Variants in DHCR7 observed in about 807,000 individuals in gnomAD.
The protein encoded by DHCR7 is 7-dehydrocholesterol reductase.
A neutral mutation model predicts 43.3 loss-of-function variants in DHCR7; 40 were observed. The ratio of observed to expected loss-of-function variants is 0.92; its 90% CI spans 0.72 to 1.20. The LOEUF is 1.20. Ranked by LOEUF, DHCR7 falls within the 50% of genes most tolerant of loss-of-function variation. The pLI is 0.00. For synonymous variants in DHCR7, 298 were observed against 271.4 expected, an observed-to-expected ratio of 1.10 and a Z score of -0.96; for missense variants, 608 against 644.6, an observed-to-expected ratio of 0.94 and a Z score of 0.62.
At chr11:71,438,074 G>A in intron 7 of DHCR7, 131 bp from the exon 8 acceptor site, 5 of 1,083,404 alleles carry the variant, frequency 4.6e-6, no homozygotes, top group Non-Finnish European at 6.9e-6. Context: ...TCAATGCTGG[G>A]GCTGTTCCTT....
chr11:71,436,282 T>G (rs1050702564), intron 8 of DHCR7, among the ~76,000 whole-genome samples: 1 of 152,172 alleles, frequency 6.6e-6, no homozygotes. Flanking sequence ...TGGATGACCC[T>G]TCACAATGGG....
intron 3 of DHCR7, among the ~76,000 whole-genome samples, chr11:71,444,604 G>T (rs1949387168): frequency 6.6e-6 from 1 of 152,196 alleles, no homozygotes. Flanking sequence ...CAGATGGTGG[G>T]AAGGCCCCAG....
chr11:71,448,141 G>C (rs1015608796), intron 1 of DHCR7, 149 bp downstream of exon 1: 1 of 152,798 alleles, frequency 6.5e-6, no homozygotes, highest in African/African-American at 2.4e-5. Context: ...CCCCTCGCCT[G>C]TGAGCTGGAC....
At position 71,441,422 on chromosome 11, in the gene DHCR7, T is replaced by C. The variant is rs776246504; in HGVS notation, c.431A>G (p.Gln144Arg). 44 of 1,613,146 alleles carry C rather than the reference T, an allele frequency of 2.7e-5. No homozygotes were observed. The Admixed American group carries it at 3.2e-4, about 12-fold the overall frequency. Reference protein sequence around the residue: ...VTPAGVVNKYQINGLQAWLLT... With the variant: ...VTPAGVVNKYRINGLQAWLLT... ...GAGCCAGGCTTGCAGGCCATTGATCTGATACTTGTTCACAACCCCTGCAGA... is the reference window on the plus strand; with the variant it reads ...GAGCCAGGCTTGCAGGCCATTGATCCGATACTTGTTCACAACCCCTGCAGA... Residue 144 changes from glutamine (Q) to arginine (R), a missense_variant, in exon 6 of 9, where the codon CAG becomes CGG. Coordinates refer to ENST00000355527, the MANE Select transcript of DHCR7 (RefSeq NM_001360.3).
At position 71,439,001 on chromosome 11, in the gene DHCR7, G is replaced by T; in HGVS notation, c.709C>A (p.Leu237Met). Residue 237 changes from leucine to methionine, a missense_variant, in exon 7 of 9, where the codon CTG (leucine) becomes ATG (methionine). Coordinates refer to ENST00000355527, the MANE Select transcript of DHCR7 (RefSeq NM_001360.3). Reference sequence around the variant, plus strand: ...ATCCCGGGGCGCCCATTGAAGAACAGCTTGAAGTCAAACCACTTCCCGATC... The same window carrying T: ...ATCCCGGGGCGCCCATTGAAGAACATCTTGAAGTCAAACCACTTCCCGATC... ...PRIGKWFDFKLFFNGRPGIVA... is the reference protein window; with the variant it reads ...PRIGKWFDFKMFFNGRPGIVA... 1 of 1,614,132 alleles carries T rather than the reference G, an allele frequency of 6.2e-7. No individual in the cohort carries two copies. Among genetic ancestry groups the T allele is most frequent in the Non-Finnish European group, 8.5e-7 (1 of 1,180,048 alleles).
chr11:71,440,661 G>A (rs1290515636), intron 6 of DHCR7, among the ~76,000 whole-genome samples: 3 of 140,706 alleles, frequency 2.1e-5, no homozygotes, highest in Non-Finnish European at 4.6e-5. Flanking sequence ...GTGGGTGGGT[G>A]AATGGGATGG....
rs117591152 is a variant in DHCR7 at position 71,440,939 on chromosome 11, G to C, written c.626+288C>G. On this transcript the variant is annotated intron_variant, in intron 6 of 8. Transcript: ENST00000355527. ...AGGCAATGGGCTGCCTGTGCCCCAA[G>C]CCAGAAGTTTTTCCTGGCTTCCTTA... 6.5e-4 allele frequency among the ~76,000 whole-genome samples: 99 copies of C among 152,298 alleles called. 1 individual carries two copies. In the East Asian group the frequency reaches 0.018, roughly 28 times the overall value.
Position 71,441,313 on chromosome 11 carries a change from C to T in DHCR7, c.540G>A (p.Leu180=). The part of the protein sequence containing the change: ...PTIIFDNWIP[L]LWCANILGYA... ...AGCCAAGGATGTTGGCGCACCACAGCAGTGGGATCCAGTTGTCGAAGATGA... is the reference window on the plus strand; with the variant it reads ...AGCCAAGGATGTTGGCGCACCACAGTAGTGGGATCCAGTTGTCGAAGATGA... The change falls in exon 6 of 9, where the codon CTG becomes CTA. Residue 180 remains leucine (L), a synonymous_variant. Transcript: ENST00000355527. 2 of 1,614,232 alleles carry T rather than the reference C, an allele frequency of 1.2e-6. No individual in the cohort carries two copies. The highest frequency in any genetic ancestry group is 1.1e-5 in the South Asian group (1 of 91,088).
chr11:71,439,213 C>T, intron 6 of DHCR7, 130 bp from the exon 7 acceptor site: 1 of 881,942 alleles, frequency 1.1e-6, no homozygotes, highest in Non-Finnish European at 1.8e-6. Flanking sequence ...CAGGCAGAAG[C>T]TGGCCATGAG....
chr11:71,437,947 C>T lies in DHCR7; in HGVS notation c.832-4G>A, dbSNP rs757845039. ...AGAAGTCAATCACGTAGATGGCCTG[C>T]AAGACAGAAGCAGCCGCTGACCACC... On this transcript the variant is annotated splice_region_variant and splice_polypyrimidine_tract_variant and intron_variant, in intron 7 of 8. Coordinates refer to ENST00000355527, the MANE Select transcript of DHCR7 (RefSeq NM_001360.3). 1.9e-6 allele frequency: 3 copies of T among 1,612,746 alleles called. No homozygotes were observed. Among genetic ancestry groups the T allele is most frequent in the African/African-American group, 2.7e-5 (2 of 75,052 alleles).
downstream of DHCR7, among the ~76,000 whole-genome samples, chr11:71,433,456 G>A (rs546520757): frequency 6.6e-6 from 1 of 152,320 alleles, no homozygotes; most frequent in Admixed American, 6.5e-5. Context: ...TGCTCAAACA[G>A]AAACCAAACC....
intron 5 of DHCR7, among the ~76,000 whole-genome samples, chr11:71,441,787 T>C (rs1164464472): frequency 1.3e-5 from 2 of 152,106 alleles, no homozygotes; most frequent in East Asian, 1.9e-4. Flanking sequence ...TCTGTAATTG[T>C]TGGGGAGCAC....
In DHCR7 at chr11:71,442,059, C is replaced by T. The variant is rs76117525; in HGVS notation, c.412+204G>A. Among the ~76,000 whole-genome samples, 146 of 152,300 alleles carry T rather than the reference C, an allele frequency of 9.6e-4. 1 individual carries two copies. Among genetic ancestry groups the T allele is most frequent in the African/African-American group, 3.4e-3 (143 of 41,548 alleles). ...AGCTGGGCCATCCATTCCCTCCTTACCCAGGAAAGTGATTTCTAACCTGGG... is the reference window on the plus strand; with the variant it reads ...AGCTGGGCCATCCATTCCCTCCTTATCCAGGAAAGTGATTTCTAACCTGGG... On this transcript the variant is annotated intron_variant, in intron 5 of 8. Coordinates refer to ENST00000355527, the MANE Select transcript of DHCR7 (RefSeq NM_001360.3).
At position 71,435,417 on chromosome 11, in the gene DHCR7, G is replaced by A. The variant is rs1453500228; in HGVS notation, c.1386C>T (p.Tyr462=). The change falls in exon 9 of 9, where the codon TAC becomes TAT. Residue 462 remains tyrosine (Y), a synonymous_variant. Coordinates refer to ENST00000355527, the MANE Select transcript of DHCR7 (RefSeq NM_001360.3). ...ASKYGRDWER[Y]TAAVPYRLLP... ...GCAGGCGGTAAGGCACTGCGGCGGT[G>A]TAGCGCTCCCAGTCCCGGCCGTACT... 8 of 1,612,560 alleles carry A rather than the reference G, an allele frequency of 5.0e-6. No homozygotes were observed. Among genetic ancestry groups the A allele is most frequent in the South Asian group, 1.1e-5 (1 of 91,092 alleles).
At chr11:71,430,000 C>T (rs911944542), downstream of DHCR7, among the ~76,000 whole-genome samples, 1 of 152,200 alleles carries the variant, frequency 6.6e-6, no homozygotes, top group Non-Finnish European at 1.5e-5. Flanking sequence ...CGGTCTTGGT[C>T]TTCCCAGGTA....
In DHCR7 at chr11:71,435,576, G is replaced by T. The variant is rs1012396683; in HGVS notation, c.1227C>A (p.Val409=). ...FWGVARHFNY[V]GDLMGSLAYC... is the part of the protein sequence containing the mutation. ...AGGCCAGGCTGCCCATCAGGTCGCC[G>T]ACGTAGTTGAAGTGGCGGGCCACGC... Residue 409 remains valine (V), a synonymous_variant, in exon 9 of 9, where the codon GTC becomes GTA. Coordinates refer to ENST00000355527, the MANE Select transcript of DHCR7 (RefSeq NM_001360.3). 42 of 1,610,990 alleles carry T rather than the reference G, an allele frequency of 2.6e-5. No homozygotes were observed. The highest frequency in any genetic ancestry group is 3.5e-5 in the Non-Finnish European group (41 of 1,179,880).
rs200659923 is a variant in DHCR7 at position 71,439,052 on chromosome 11, T to A, written c.658A>T (p.Met220Leu). 6 of 1,613,946 alleles carry A rather than the reference T, an allele frequency of 3.7e-6. No individual in the cohort carries two copies. The Admixed American group carries it at 1.0e-4, about 27-fold the overall frequency. The change falls in exon 7 of 9, where the codon ATG (methionine) becomes TTG (leucine). Residue 220 changes from methionine (M) to leucine (L), a missense_variant. Transcript: ENST00000355527. ...CGAGGGTTAAACTCGATGCCCATCA[T>A]GTAGTTGTAAAAGAAATTGCCTGTG... is the stretch of plus-strand genomic sequence containing the variant. Reference protein sequence around the residue: ...KFTGNFFYNYMMGIEFNPRIG... With the variant: ...KFTGNFFYNYLMGIEFNPRIG...
chr11:71,448,626 T>C (rs917292267), upstream of DHCR7: 1 of 152,228 alleles, frequency 6.6e-6, no homozygotes, highest in Non-Finnish European at 1.5e-5. Context: ...CCTCTGGCGC[T>C]TCTTCGGGAT....
At chr11:71,438,765 G>T in intron 7 of DHCR7, 114 bp downstream of exon 7, 1 of 1,160,928 alleles carries the variant, frequency 8.6e-7, no homozygotes, top group Non-Finnish European at 1.2e-6. Context: ...GGGGAGGGCA[G>T]CTGACTCTCT....
Sources: gnomAD v4.1 joint callset for allele counts (sites outside exome capture counted in the v4.1 genomes callset) on GRCh38, gnomAD v4.1.1 for gene constraint, MANE v1.5 for transcripts, NCBI Gene and HGNC (gene_info 2026-07-23, HGNC 2026-07-21) for gene names.